The following GALNT8 variants were observed in gnomAD, a reference collection of about 807,000 sequenced individuals.
GALNT8 encodes polypeptide N-acetylgalactosaminyltransferase 8, also known as probable polypeptide N-acetylgalactosaminyltransferase 8.
A neutral mutation model predicts 62.7 loss-of-function variants in GALNT8; 66 were observed. That is an observed-to-expected ratio of 1.05 (90% confidence interval 0.86 to 1.29). The LOEUF (loss-of-function observed/expected upper bound fraction) is 1.29, where lower values mean the gene tolerates loss of function less well. GALNT8 is among the 50% of genes most tolerant of loss of function. The pLI is 0.00. For missense variants in GALNT8, 771 were observed against 791.8 expected, an observed-to-expected ratio of 0.97 and a Z score of 0.32; for synonymous variants, 288 against 294.3, an observed-to-expected ratio of 0.98 and a Z score of 0.22.
At chr12:4,733,881 G>A in intron 2 of GALNT8, among the ~76,000 whole-genome samples, 1 of 152,180 alleles carries the variant, frequency 6.6e-6, no homozygotes, top group East Asian at 1.9e-4. Context: ...TGACCTACCA[G>A]GGAATTCCAT....
chr12:4,729,471 C>G (rs1399257095), intron 2 of GALNT8, among the ~76,000 whole-genome samples: 1 of 152,136 alleles, frequency 6.6e-6, no homozygotes, highest in Non-Finnish European at 1.5e-5. Context: ...ACCTTTCATT[C>G]TACTCTCTTT....
At chr12:4,767,110 G>A (rs545950013) in intron 10 of GALNT8, among the ~76,000 whole-genome samples, 41 of 151,970 alleles carry the variant, frequency 2.7e-4, no homozygotes, top group African/African-American at 8.7e-4. Context: ...CTCCCCTCCC[G>A]CTTCTTCACC....
chr12:4,765,836 G>T (rs150198277), intron 10 of GALNT8, among the ~76,000 whole-genome samples: 331 of 152,258 alleles, frequency 2.2e-3, no homozygotes, highest in African/African-American at 7.5e-3. Context: ...ACCTAATATT[G>T]CAGTCTTGGC....
Position 4,745,460 on chromosome 12 carries a change from G to C in GALNT8, c.892G>C (p.Asp298His). 1 of 1,612,876 alleles carries C rather than the reference G, an allele frequency of 6.2e-7. No individual in the cohort carries two copies. Among genetic ancestry groups the C allele is most frequent in the Non-Finnish European group, 8.5e-7 (1 of 1,178,848 alleles). ...AEPILARIQE[D>H]RTVIVSPVFD... ...GCCAATCTTGGCTCGGATTCAGGAGGACCGCACTGTGATTGTGTCTCCTGT... is the reference window on the plus strand; with the variant it reads ...GCCAATCTTGGCTCGGATTCAGGAGCACCGCACTGTGATTGTGTCTCCTGT... The change falls in exon 5 of 11, where the codon GAC becomes CAC. Residue 298 changes from aspartate (D) to histidine (H), a missense_variant. Coordinates refer to ENST00000252318, the MANE Select transcript of GALNT8 (RefSeq NM_017417.2).
In GALNT8 at chr12:4,726,955, G is replaced by A. The variant is rs1338708992; in HGVS notation, c.509+126G>A. On this transcript the variant is annotated intron_variant, in intron 2 of 10. Coordinates refer to ENST00000252318, the MANE Select transcript of GALNT8 (RefSeq NM_017417.2). The surrounding 1 kb of genome is among the most constrained non-coding windows in gnomAD (Gnocchi z 4.1). Reference sequence around the variant, plus strand: ...GGGGAAGGGGTTCAGGCTGAGCAAAGTTGTTGTTTTCAATTTATTTTATAA... The same window carrying A: ...GGGGAAGGGGTTCAGGCTGAGCAAAATTGTTGTTTTCAATTTATTTTATAA... 4 of 755,784 alleles carry A rather than the reference G, an allele frequency of 5.3e-6. No individual in the cohort carries two copies. Among genetic ancestry groups the A allele is most frequent in the Admixed American group, 5.3e-5 (2 of 37,904 alleles). 46.8% of individuals were successfully genotyped at this position (755,784 alleles called of 1,614,324 possible). A position where few individuals can be genotyped will look rare whatever the true frequency, so the allele number is the denominator to read the frequency against.
intron 9 of GALNT8, 70 bp from the exon 10 acceptor site, chr12:4,765,309 T>C (rs549857768): frequency 1.4e-6 from 2 of 1,392,928 alleles, no homozygotes; most frequent in South Asian, 3.1e-5. Context: ...TCCCTCGGGC[T>C]AGGGTCTCCT....
chr12:4,758,946 T>C (rs998548675), intron 6 of GALNT8, among the ~76,000 whole-genome samples: 1 of 151,890 alleles, frequency 6.6e-6, no homozygotes, highest in East Asian at 1.9e-4. Context: ...AGGCTAATTT[T>C]TGTATTTGTA....
intron 2 of GALNT8, among the ~76,000 whole-genome samples, chr12:4,727,960 TCCATCATTTAA>T (rs1260239496): frequency 3.3e-5 from 5 of 152,222 alleles, no homozygotes; most frequent in African/African-American, 1.2e-4. Flanking sequence ...CCAAAGTGAC[TCCATCATTTAA>T]CATTCCCTCA....
chr12:4,768,333 C>T (rs747273022), intron 10 of GALNT8: 3 of 280,368 alleles, frequency 1.1e-5, no homozygotes, highest in Non-Finnish European at 1.4e-5. Flanking sequence ...TCCTAAACCT[C>T]GTAAGAATTA....
intron 6 of GALNT8, among the ~76,000 whole-genome samples, chr12:4,757,699 T>A (rs1347028119): frequency 6.6e-6 from 1 of 152,240 alleles, no homozygotes; most frequent in Admixed American, 6.5e-5. Flanking sequence ...CAAAGGAGTC[T>A]GGGAAATATA....
At chr12:4,764,743 G>A (rs577474092) in intron 9 of GALNT8, among the ~76,000 whole-genome samples, 8 of 150,218 alleles carry the variant, frequency 5.3e-5, no homozygotes, top group South Asian at 4.3e-4. Context: ...TAGCAGAGAC[G>A]GGGTTTCACC....
rs1024443298 is a variant in GALNT8, at chr12:4,720,491, G to A, written c.-187G>A. Reference sequence around the variant, plus strand: ...CTCTCGGGGCATAAAGACAAAGAAGGCAATAAGGAGACTTTGCTCCTCAGA... The same window carrying A: ...CTCTCGGGGCATAAAGACAAAGAAGACAATAAGGAGACTTTGCTCCTCAGA... On this transcript the variant is annotated 5_prime_UTR_variant, in exon 1 of 11. Coordinates refer to ENST00000252318, the MANE Select transcript of GALNT8 (RefSeq NM_017417.2). 1.7e-6 allele frequency: 1 copy of A among 594,258 alleles called. No homozygotes were observed. The highest frequency in any genetic ancestry group is 1.9e-5 in the African/African-American group (1 of 52,600). The allele number at this position is 594,258 out of a possible 1,614,324, so 36.8% of individuals were successfully genotyped here.
intron 2 of GALNT8, among the ~76,000 whole-genome samples, chr12:4,730,661 CTTCTTTTGGCTAAAG>C (rs1251892583): frequency 6.6e-6 from 1 of 152,036 alleles, no homozygotes; most frequent in African/African-American, 2.4e-5. Flanking sequence ...CTCCAGCTTT[CTTCTTTTGGCTAAAG>C]ATTGCTTTGG....
chr12:4,756,393 T>C (rs1393776614), intron 6 of GALNT8, among the ~76,000 whole-genome samples: 2 of 152,254 alleles, frequency 1.3e-5, no homozygotes, highest in African/African-American at 4.8e-5. Flanking sequence ...CTCTAAGCCA[T>C]ACCTGCTGCA....
chr12:4,736,463 C>T (rs985987430), intron 2 of GALNT8, among the ~76,000 whole-genome samples: 3 of 152,050 alleles, frequency 2.0e-5, no homozygotes, highest in Admixed American at 6.6e-5. Context: ...TTGCAGCCTC[C>T]ATGCCACATA....
chr12:4,736,558 G>C (rs557571512), intron 2 of GALNT8, among the ~76,000 whole-genome samples: 2 of 150,516 alleles, frequency 1.3e-5, no homozygotes, highest in Admixed American at 6.6e-5. Context: ...GCAACCCCTG[G>C]GTAGCCAGGC....
chr12:4,772,584 C>T lies in GALNT8; in HGVS notation c.1901C>T (p.Thr634Ile). ...IQHTVRDWGQ[T>I]NSQ The stretch of plus-strand genomic sequence containing the variant: ...CACACTGTCAGAGACTGGGGTCAGA[C>T]CAACAGCCAGTGATCCTCAGATGGT... The change falls in exon 11 of 11, where the codon ACC becomes ATC. Residue 634 changes from threonine to isoleucine, a missense_variant. Coordinates refer to ENST00000252318, the MANE Select transcript of GALNT8 (RefSeq NM_017417.2). 6.2e-7 allele frequency: 1 copy of T among 1,613,348 alleles called. No individual in the cohort carries two copies. Among genetic ancestry groups the T allele is most frequent in the East Asian group, 2.2e-5 (1 of 44,868 alleles).
Position 4,726,665 on chromosome 12 carries a change from A to G in GALNT8, c.345A>G (p.Gln115=), listed in dbSNP as rs1946197037. 1.9e-6 allele frequency: 3 copies of G among 1,614,032 alleles called. No homozygotes were observed. The highest frequency in any genetic ancestry group is 1.7e-6 in the Non-Finnish European group (2 of 1,180,000). The change falls in exon 2 of 11, where the codon CAA becomes CAG. Residue 115 remains glutamine, a synonymous_variant. Coordinates refer to ENST00000252318, the MANE Select transcript of GALNT8 (RefSeq NM_017417.2). This position sits in a 1 kb window ranked among gnomAD's most constrained non-coding sequence, Gnocchi z 4.1. The part of the protein sequence containing the change: ...KVNETKKHKT[Q]MKLFPHSQLF... ...ATGAGACAAAGAAGCACAAAACCCA[A>G]ATGAAACTCTTCCCACACTCACAGC...
chr12:4,724,148 CAAAAAAAAAAA>C (rs11456593), intron 1 of GALNT8, among the ~76,000 whole-genome samples: 1 of 48,092 alleles, frequency 2.1e-5, no homozygotes, highest in African/African-American at 9.3e-5. Context: ...GACTCCGTCT[CAAAAAAAAAAA>C]AAAAAAAAAA....
Sources: allele counts gnomAD v4.1 joint callset (sites outside exome capture counted in the v4.1 genomes callset), GRCh38; gene constraint gnomAD v4.1.1; non-coding constraint Gnocchi (gnomAD v3.1); transcripts MANE v1.5; gene names NCBI Gene and HGNC (gene_info 2026-07-23, HGNC 2026-07-21).